The following COL14A1 variants were observed in gnomAD, a reference collection of about 807,000 sequenced individuals.
The protein encoded by COL14A1 is collagen type XIV alpha 1 chain.
A neutral mutation model predicts 230.3 loss-of-function variants in COL14A1; 136 were observed. The ratio of observed to expected loss-of-function variants is 0.59; its 90% CI spans 0.51 to 0.68. COL14A1 has a LOEUF of 0.68. Among genes scored for constraint, COL14A1 ranks in the 30% least tolerant of loss-of-function variants. The pLI, the probability that COL14A1 is intolerant of heterozygous loss-of-function variation, is 0.00. For missense variants in COL14A1, 1,976 were observed against 2,215.8 expected (o/e 0.89, Z 2.17); for synonymous variants, 792 against 784.1 (o/e 1.01, Z -0.17).
chr8:120,131,571 T>C (rs1315738233), intron 1 of COL14A1, among the ~76,000 whole-genome samples: 2 of 152,146 alleles, frequency 1.3e-5, no homozygotes, highest in Non-Finnish European at 2.9e-5. Context: ...GTTTTTTGCT[T>C]GTTGAATAAT....
At chr8:120,310,886 A>G (rs1036840745) in intron 37 of COL14A1, among the ~76,000 whole-genome samples, 24 of 152,266 alleles carry the variant, frequency 1.6e-4, no homozygotes, top group African/African-American at 4.3e-4. Context: ...GCCCTTTGTA[A>G]CTTGACTCCC....
At chr8:120,236,510 G>A (rs1435845275) in intron 19 of COL14A1, among the ~76,000 whole-genome samples, 1 of 151,422 alleles carries the variant, frequency 6.6e-6, no homozygotes, top group Non-Finnish European at 1.5e-5. Flanking sequence ...GTCTATGTGT[G>A]TCTTTGCACG....
At chr8:120,238,845 C>G (rs1818531779) in intron 19 of COL14A1, among the ~76,000 whole-genome samples, 1 of 152,138 alleles carries the variant, frequency 6.6e-6, no homozygotes, top group Non-Finnish European at 1.5e-5. Flanking sequence ...TCATGGCTTC[C>G]CTTGGCTAGG....
intron 44 of COL14A1, among the ~76,000 whole-genome samples, chr8:120,343,492 T>A (rs1018041160): frequency 2.0e-5 from 3 of 152,220 alleles, no homozygotes; most frequent in African/African-American, 7.2e-5. Flanking sequence ...AATTCTGAGA[T>A]AAATCCAAAT....
chr8:120,166,903 T>C (rs1563646618), intron 4 of COL14A1, among the ~76,000 whole-genome samples: 1 of 149,854 alleles, frequency 6.7e-6, no homozygotes, highest in African/African-American at 2.5e-5. Context: ...TGTGTGTGTG[T>C]GTGTGTGTGT....
intron 34 of COL14A1, among the ~76,000 whole-genome samples, chr8:120,296,794 G>A (rs980619059): frequency 4.6e-5 from 7 of 151,884 alleles, no homozygotes; most frequent in African/African-American, 1.4e-4. Flanking sequence ...AATATTTATG[G>A]CATGATCAAT....
At chr8:120,238,049 G>A (rs1198399810) in intron 19 of COL14A1, among the ~76,000 whole-genome samples, 2 of 152,064 alleles carry the variant, frequency 1.3e-5, no homozygotes, top group Non-Finnish European at 2.9e-5. Flanking sequence ...AGTGTCTGTC[G>A]ACTCCTGGTG....
rs1199749240 is a variant in COL14A1 at position 120,289,804 on chromosome 8, G to A, written c.4236+38G>A. ...ACCCGTGAAGCTGTGTTATTGTTAA[G>A]GGAGAGAAATTATTTTAAAGTACAT... On this transcript the variant is annotated intron_variant, in intron 34 of 47. Coordinates refer to ENST00000297848, the MANE Select transcript of COL14A1 (RefSeq NM_021110.4). 6 of 1,568,928 alleles carry A rather than the reference G, an allele frequency of 3.8e-6. No homozygotes were observed. In the South Asian group the frequency reaches 7.1e-5, roughly 19 times the overall value.
Position 120,371,594 on chromosome 8 carries a change from A to C in COL14A1, c.*363A>C, listed in dbSNP as rs141680644. Reference sequence around the variant, plus strand: ...AAACAGATATGATTGTGTTTGAGGGAAATATGTCCCTAGCAGGAAAAGAAT... The same window carrying C: ...AAACAGATATGATTGTGTTTGAGGGCAATATGTCCCTAGCAGGAAAAGAAT... On this transcript the variant is annotated 3_prime_UTR_variant, in exon 48 of 48. Transcript: ENST00000297848. 2.5e-4 allele frequency: 100 copies of C among 398,580 alleles called. 1 individual carries two copies. Among genetic ancestry groups the C allele is most frequent in the African/African-American group, 1.7e-3 (81 of 48,718 alleles). The allele number at this position is 398,580 out of a possible 1,614,324, so 24.7% of individuals were successfully genotyped here.
chr8:120,137,148 T>C (rs1814741493), intron 1 of COL14A1, among the ~76,000 whole-genome samples: 1 of 152,120 alleles, frequency 6.6e-6, no homozygotes, highest in East Asian at 1.9e-4. Flanking sequence ...CTTTAATAGA[T>C]ATAGGGCTAT....
At chr8:120,209,123 C>G (rs1225147680) in intron 11 of COL14A1, among the ~76,000 whole-genome samples, 1 of 152,164 alleles carries the variant, frequency 6.6e-6, no homozygotes, top group Non-Finnish European at 1.5e-5. Context: ...AATGCCCTCA[C>G]TTTGCAGAAA....
intron 38 of COL14A1, 131 bp from the exon 39 acceptor site, chr8:120,315,402 A>T: frequency 4.3e-6 from 2 of 470,336 alleles, no homozygotes; most frequent in Non-Finnish European, 3.8e-6. Context: ...AAGTGTATAT[A>T]TATATATTCT....
intron 1 of COL14A1, among the ~76,000 whole-genome samples, chr8:120,130,476 T>C (rs932338943): frequency 1.3e-5 from 2 of 152,150 alleles, no homozygotes; most frequent in African/African-American, 4.8e-5. Context: ...TCTTCTTCCT[T>C]CCCTTATTCC....
intron 1 of COL14A1, among the ~76,000 whole-genome samples, chr8:120,136,819 G>T (rs1013005779): frequency 6.6e-6 from 1 of 151,830 alleles, no homozygotes; most frequent in Non-Finnish European, 1.5e-5. Context: ...ACAAAAATTA[G>T]CCATGTGTGG....
chr8:120,353,716 G>A (rs1284826554), intron 45 of COL14A1, among the ~76,000 whole-genome samples: 1 of 150,166 alleles, frequency 6.7e-6, no homozygotes, highest in Non-Finnish European at 1.5e-5. Context: ...AGTTAGAATG[G>A]TAATCATTAA....
At chr8:120,216,725 G>A (rs1199613044) in intron 14 of COL14A1, among the ~76,000 whole-genome samples, 1 of 152,148 alleles carries the variant, frequency 6.6e-6, no homozygotes, top group African/African-American at 2.4e-5. Context: ...GCTATCTCAT[G>A]GCATCTTTAC....
rs111417317 is a variant in COL14A1 at position 120,293,455 on chromosome 8, T to A, written c.4236+3689T>A. The stretch of plus-strand genomic sequence containing the variant: ...TAGTTATTACATCTCTGCTAGGAGC[T>A]AGGCAGTGTGTATTTTCCTGGGATT... On this transcript the variant is annotated intron_variant, in intron 34 of 47. Coordinates refer to ENST00000297848, the MANE Select transcript of COL14A1 (RefSeq NM_021110.4). Among the ~76,000 whole-genome samples, 426 of 130,024 alleles carry A rather than the reference T, an allele frequency of 3.3e-3. 3 individuals are homozygous for A. Among genetic ancestry groups the A allele is most frequent in the Middle Eastern group, 0.013 (3 of 238 alleles). The allele number at this position is 130,024 out of a possible 152,430, so 85.3% of individuals were successfully genotyped here.
chr8:120,252,140 C>A (rs1320883463), intron 22 of COL14A1, among the ~76,000 whole-genome samples: 3 of 152,086 alleles, frequency 2.0e-5, no homozygotes, highest in Non-Finnish European at 2.9e-5. Context: ...TTGAAGTATA[C>A]ATTTTATTTT....
At position 120,250,782 on chromosome 8, in the gene COL14A1, G is replaced by A. The variant is rs555661953; in HGVS notation, c.2752+16G>A. On this transcript the variant is annotated intron_variant, in intron 22 of 47. Coordinates refer to ENST00000297848, the MANE Select transcript of COL14A1 (RefSeq NM_021110.4). ...GTGAAAACATGTAAGAGCCATTTCC[G>A]ATGGCCTCAGCCGCATATGGGTTTT... The A allele has an allele frequency of 5.6e-5, 91 of 1,613,172 alleles. 1 individual carries two copies. The highest frequency in any genetic ancestry group is 2.5e-4 in the Admixed American group (15 of 59,824).
Sources: allele counts gnomAD v4.1 joint callset (sites outside exome capture counted in the v4.1 genomes callset), GRCh38; gene constraint gnomAD v4.1.1; transcripts MANE v1.5; gene names NCBI Gene and HGNC (gene_info 2026-07-23, HGNC 2026-07-21).